The following CNTNAP5 variants were observed in gnomAD, a reference collection of about 807,000 sequenced individuals.
CNTNAP5 encodes contactin-associated protein-like 5.
Under a neutral mutation model 150.2 loss-of-function variants are expected in CNTNAP5, and 72 were observed. That is an observed-to-expected ratio of 0.48 (90% confidence interval 0.40 to 0.58). The LOEUF is 0.58. Ranked by LOEUF, CNTNAP5 falls within the 20% of genes least tolerant of loss-of-function variation. CNTNAP5 has a pLI of 0.00. For missense variants in CNTNAP5, 1,636 were observed against 1,626.2 expected (o/e 1.01, Z -0.10); for synonymous variants, 672 against 619.8 (o/e 1.08, Z -1.25).
intron 11 of CNTNAP5, among the ~76,000 whole-genome samples, chr2:124,602,882 C>A (rs1697015855): frequency 2.0e-5 from 3 of 152,142 alleles, no homozygotes; most frequent in Admixed American, 6.6e-5. Context: ...CAGGACAACT[C>A]ATCTTTTAAA....
chr2:124,177,103 C>T (rs909586218), intron 1 of CNTNAP5, among the ~76,000 whole-genome samples: 40 of 152,194 alleles, frequency 2.6e-4, no homozygotes, highest in Non-Finnish European at 4.6e-4. Context: ...TCGCCTTGGC[C>T]TCCCAGATTG....
chr2:124,559,878 C>T lies in CNTNAP5; in HGVS notation c.1650-3339C>T, dbSNP rs1695847544. On this transcript the variant is annotated intron_variant, in intron 10 of 23. Coordinates refer to ENST00000682447, the MANE Select transcript of CNTNAP5 (RefSeq NM_001367498.1). ...ACAGTGTGCATTGAACCAAAATGAA[C>T]CAAGCTTGAAGGCAGCTCTACTAGT... Among the ~76,000 whole-genome samples, 7 of 152,124 alleles carry T rather than the reference C, an allele frequency of 4.6e-5. No homozygotes were observed. In the South Asian group the frequency reaches 1.5e-3, roughly 32 times the overall value.
At chr2:124,446,667 A>C in intron 5 of CNTNAP5, 86 bp from the exon 6 acceptor site, 3 of 1,317,354 alleles carry the variant, frequency 2.3e-6, no homozygotes, top group Non-Finnish European at 3.2e-6. Context: ...TAGAACAGAT[A>C]TAGCTGCTTT....
At chr2:124,407,932 C>T (rs566207329) in intron 3 of CNTNAP5, among the ~76,000 whole-genome samples, 10 of 152,292 alleles carry the variant, frequency 6.6e-5, no homozygotes, top group South Asian at 4.1e-4. Context: ...GCGTGAGCGA[C>T]GCAGAAGATG....
At chr2:124,536,507 G>T (rs1248219274) in intron 10 of CNTNAP5, among the ~76,000 whole-genome samples, 5 of 152,096 alleles carry the variant, frequency 3.3e-5, no homozygotes, top group Non-Finnish European at 7.4e-5. Context: ...CCACCACGTT[G>T]TTCGGTGATC....
At chr2:124,713,447 G>A (rs6737052) in intron 13 of CNTNAP5, among the ~76,000 whole-genome samples, 37,528 of 147,108 alleles carry the variant, frequency 0.26, 5,026 homozygotes, top group Non-Finnish European at 0.31. Context: ...ATGCCATCTC[G>A]GCTCACTGAA....
chr2:124,757,022 G>T (rs890993486), intron 14 of CNTNAP5, among the ~76,000 whole-genome samples: 1 of 152,176 alleles, frequency 6.6e-6, no homozygotes, highest in East Asian at 1.9e-4. Flanking sequence ...GTAATAGCAT[G>T]CCAGCACAAA....
At chr2:124,228,008 A>G (rs1176239828) in intron 2 of CNTNAP5, among the ~76,000 whole-genome samples, 5 of 152,206 alleles carry the variant, frequency 3.3e-5, no homozygotes, top group Non-Finnish European at 7.4e-5. Context: ...TATGGAGGCC[A>G]AGAAGTCCCA....
At chr2:124,785,402 A>AT (rs1459327532) in intron 17 of CNTNAP5, among the ~76,000 whole-genome samples, 6 of 152,210 alleles carry the variant, frequency 3.9e-5, no homozygotes, top group African/African-American at 7.2e-5. Flanking sequence ...TTTTAGAAGT[A>AT]TTTTTTGTGT....
chr2:124,571,631 C>T (rs1696163282), intron 11 of CNTNAP5, among the ~76,000 whole-genome samples: 1 of 143,026 alleles, frequency 7.0e-6, no homozygotes. Context: ...TTCCCAGGTT[C>T]AAGCGATTCT....
chr2:124,408,123 GA>G (rs1377483992), intron 3 of CNTNAP5, among the ~76,000 whole-genome samples: 9 of 152,352 alleles, frequency 5.9e-5, no homozygotes, highest in Admixed American at 1.3e-4. Context: ...AGGGGTGACG[GA>G]AGGCACCTGG....
intron 19 of CNTNAP5, among the ~76,000 whole-genome samples, chr2:124,821,477 A>T (rs1032632031): frequency 6.6e-6 from 1 of 152,200 alleles, no homozygotes; most frequent in Non-Finnish European, 1.5e-5. Context: ...TTTTTAAAAA[A>T]GTTTTCTTTT....
rs746143215 is a variant in CNTNAP5 at position 124,865,452 on chromosome 2, T to C, written c.3348+16T>C. 253 of 1,550,764 alleles carry C rather than the reference T, an allele frequency of 1.6e-4. No homozygotes were observed. The highest frequency in any genetic ancestry group is 1.9e-4 in the Non-Finnish European group (222 of 1,146,486). ...TACCATTCAGGTACCTTCCTTACTT[T>C]CTCCTGCTTCAGCCAATGTGCCTTG... is the stretch of plus-strand genomic sequence containing the variant. On this transcript the variant is annotated intron_variant, in intron 20 of 23. Transcript: ENST00000682447.
At chr2:124,060,114 T>C (rs1232940386) in intron 1 of CNTNAP5, among the ~76,000 whole-genome samples, 1 of 152,196 alleles carries the variant, frequency 6.6e-6, no homozygotes, top group Non-Finnish European at 1.5e-5. Context: ...TATTTTAGTG[T>C]GTTCAGGGTG....
At chr2:124,164,971 G>A (rs1396430856) in intron 1 of CNTNAP5, among the ~76,000 whole-genome samples, 1 of 152,158 alleles carries the variant, frequency 6.6e-6, no homozygotes, top group Non-Finnish European at 1.5e-5. Context: ...TTGTGGTGGA[G>A]CAGGTAGAAC....
At chr2:124,026,395 G>A (rs113130290) in intron 1 of CNTNAP5, among the ~76,000 whole-genome samples, 5 of 152,332 alleles carry the variant, frequency 3.3e-5, no homozygotes, top group African/African-American at 1.2e-4. Flanking sequence ...ACACTAATGA[G>A]TATGCACTAA....
chr2:124,812,734 C>A (rs1458267623), intron 19 of CNTNAP5, among the ~76,000 whole-genome samples: 1 of 152,068 alleles, frequency 6.6e-6, no homozygotes, highest in African/African-American at 2.4e-5. Flanking sequence ...AGTTGTCTTG[C>A]CTTTCTGGAC....
At chr2:124,834,570 A>G (rs1032970394) in intron 19 of CNTNAP5, among the ~76,000 whole-genome samples, 3 of 152,058 alleles carry the variant, frequency 2.0e-5, no homozygotes, top group Non-Finnish European at 4.4e-5. Context: ...TTCTTGTTTA[A>G]TGGCAATGGA....
intron 23 of CNTNAP5, 122 bp from the exon 24 acceptor site, chr2:124,913,970 T>C: frequency 1.6e-6 from 1 of 621,610 alleles, no homozygotes; most frequent in Non-Finnish European, 2.8e-6. Context: ...GAGTTGCGTT[T>C]GTGTGATTTG....
Sources: gnomAD v4.1 joint callset for allele counts (sites outside exome capture counted in the v4.1 genomes callset) on GRCh38, gnomAD v4.1.1 for gene constraint, MANE v1.5 for transcripts, NCBI Gene and HGNC (gene_info 2026-07-23, HGNC 2026-07-21) for gene names.